Variants in EXT2 observed in about 807,000 individuals in gnomAD.
EXT2 encodes the protein exostosin-2.
A neutral mutation model predicts 81.6 loss-of-function variants in EXT2; 53 were observed. That is an observed-to-expected ratio of 0.65 (90% CI 0.52 to 0.82). The LOEUF (loss-of-function observed/expected upper bound fraction) is 0.82, where lower values mean the gene tolerates loss of function less well. Ranked by LOEUF, EXT2 falls within the 40% of genes least tolerant of loss-of-function variation. The pLI is 0.00. For missense variants in EXT2, 774 were observed against 910.2 expected, an observed-to-expected ratio of 0.85 and a Z score of 1.93; for synonymous variants, 320 against 340.0, an observed-to-expected ratio of 0.94 and a Z score of 0.65.
At chr11:44,204,852 G>A (rs534255806) in intron 9 of EXT2, among the ~76,000 whole-genome samples, 1 of 152,082 alleles carries the variant, frequency 6.6e-6, no homozygotes, top group African/African-American at 2.4e-5. Flanking sequence ...GTGCCAAAAA[G>A]TTTGAGGATG....
rs183862256 is a variant in EXT2, at chr11:44,110,721, G to A, written c.626+1438G>A. On this transcript the variant is annotated intron_variant, in intron 3 of 13. Coordinates refer to ENST00000533608, the MANE Select transcript of EXT2 (RefSeq NM_207122.2). ...TTTTTATCAAGTGCACATGTTAAAT[G>A]CGATTTCATTTGTCTGCAGGAAGGT... Among the ~76,000 whole-genome samples the A allele has an allele frequency of 2.0e-5, 3 of 152,302 alleles. No homozygotes were observed. In the East Asian group the frequency reaches 5.8e-4, roughly 29 times the overall value.
intron 3 of EXT2, among the ~76,000 whole-genome samples, chr11:44,113,664 G>T (rs528640393): frequency 6.6e-6 from 1 of 152,300 alleles, no homozygotes; most frequent in Admixed American, 6.5e-5. Context: ...GATGATGGTG[G>T]AAAGAACTGC....
intron 7 of EXT2, among the ~76,000 whole-genome samples, chr11:44,153,432 T>C (rs903871018): frequency 3.3e-5 from 5 of 152,192 alleles, no homozygotes; most frequent in Non-Finnish European, 5.9e-5. Context: ...TGTTGGATTC[T>C]CTATATAAAC....
chr11:44,130,790 A>G (rs1487492687), intron 7 of EXT2, among the ~76,000 whole-genome samples: 1 of 152,272 alleles, frequency 6.6e-6, no homozygotes, highest in African/African-American at 2.4e-5. Flanking sequence ...TTTTTAATGG[A>G]CTTTTAAAAA....
intron 13 of EXT2, among the ~76,000 whole-genome samples, chr11:44,238,531 AC>A (rs1955997057): frequency 6.6e-6 from 1 of 152,184 alleles, no homozygotes; most frequent in African/African-American, 2.4e-5. Flanking sequence ...ATTGGAGCGA[AC>A]TGTTGGACTT....
intron 8 of EXT2, among the ~76,000 whole-genome samples, chr11:44,178,876 T>G (rs956582678): frequency 1.3e-5 from 2 of 152,238 alleles, no homozygotes; most frequent in African/African-American, 2.4e-5. Context: ...AAGTCTATTG[T>G]TTTTATAGGT....
intron 3 of EXT2, 150 bp from the exon 4 acceptor site, chr11:44,114,033 CGT>C: frequency 1.4e-6 from 1 of 732,416 alleles, no homozygotes; most frequent in Non-Finnish European, 2.4e-6. Context: ...CCCCGAGATG[CGT>C]GTATAAGGCA....
chr11:44,132,245 C>T (rs1001983697), intron 7 of EXT2, among the ~76,000 whole-genome samples: 3 of 152,202 alleles, frequency 2.0e-5, no homozygotes, highest in Non-Finnish European at 2.9e-5. Flanking sequence ...TTTGGAGTGG[C>T]GTCTACTGCC....
chr11:44,179,270 A>G (rs569187422), intron 8 of EXT2, among the ~76,000 whole-genome samples: 4 of 152,320 alleles, frequency 2.6e-5, no homozygotes, highest in Admixed American at 2.0e-4. Context: ...GAGATAAACT[A>G]ATGTGCCTGT....
intron 7 of EXT2, among the ~76,000 whole-genome samples, chr11:44,170,518 A>G (rs963429429): frequency 6.6e-6 from 1 of 152,230 alleles, no homozygotes; most frequent in East Asian, 1.9e-4. Flanking sequence ...CAACAAAATC[A>G]AAAGTCGATT....
At position 44,188,057 on chromosome 11, in the gene EXT2, G is replaced by T. The variant is rs117124340; in HGVS notation, c.1306-9772G>T. ...CTGTCCCTGGCTTTCTGATAGGTTAGATATGCTAAGTGACCTCCTTAAGTG... is the reference window on the plus strand; with the variant it reads ...CTGTCCCTGGCTTTCTGATAGGTTATATATGCTAAGTGACCTCCTTAAGTG... On this transcript the variant is annotated intron_variant, in intron 8 of 13. Coordinates refer to ENST00000533608, the MANE Select transcript of EXT2 (RefSeq NM_207122.2). Among the ~76,000 whole-genome samples, 559 of 152,332 alleles carry T rather than the reference G, an allele frequency of 3.7e-3. 4 individuals are homozygous for T. The highest frequency in any genetic ancestry group is 0.03 in the East Asian group (156 of 5,184).
At position 44,249,692 on chromosome 11, in the gene EXT2, C is replaced by T. The variant is rs1956124272; in HGVS notation, c.*5405C>T. ...GTTTTCTGGTGAGCACAGCTGAAGA[C>T]CAACCAACTAGTTACTGATCCAGAT... is the stretch of plus-strand genomic sequence containing the variant. On this transcript the variant is annotated 3_prime_UTR_variant, in exon 14 of 14. Transcript: ENST00000533608. 6.6e-6 allele frequency among the ~76,000 whole-genome samples: 1 copy of T among 152,202 alleles called. No individual in the cohort carries two copies. Among genetic ancestry groups the T allele is most frequent in the Non-Finnish European group, 1.5e-5 (1 of 68,034 alleles).
intron 7 of EXT2, among the ~76,000 whole-genome samples, chr11:44,163,639 T>C (rs1954955671): frequency 6.6e-6 from 1 of 152,254 alleles, no homozygotes; most frequent in African/African-American, 2.4e-5. Context: ...AATAAATCCG[T>C]GATGCATGGA....
chr11:44,137,180 A>G (rs1474181630), intron 7 of EXT2, among the ~76,000 whole-genome samples: 3 of 152,212 alleles, frequency 2.0e-5, no homozygotes, highest in African/African-American at 7.2e-5. Context: ...TTGTTGGAAA[A>G]AGACTTTTAC....
intron 11 of EXT2, among the ~76,000 whole-genome samples, chr11:44,233,380 G>C (rs1445549647): frequency 6.6e-6 from 1 of 152,130 alleles, no homozygotes; most frequent in East Asian, 1.9e-4. Flanking sequence ...TTGATTACTA[G>C]TAAGACTGAA....
chr11:44,165,193 G>C (rs911398915), intron 7 of EXT2, among the ~76,000 whole-genome samples: 2 of 152,148 alleles, frequency 1.3e-5, no homozygotes, highest in African/African-American at 4.8e-5. Flanking sequence ...TTTTAAGATA[G>C]ATATAAATGT....
rs576738172 is a variant in EXT2 at position 44,179,680 on chromosome 11, A to G, written c.1305+7938A>G. ...ACTTACCAGGGAAATGTGATAATTA[A>G]GTATTATAACCTCAAGATAATGAAT... On this transcript the variant is annotated intron_variant, in intron 8 of 13. Transcript: ENST00000533608. 1.4e-3 allele frequency among the ~76,000 whole-genome samples: 213 copies of G among 152,360 alleles called. 1 individual carries two copies. The highest frequency in any genetic ancestry group is 2.7e-3 in the Admixed American group (42 of 15,310).
chr11:44,245,034 G>T lies in EXT2; in HGVS notation c.*747G>T. 4.3e-6 allele frequency: 1 copy of T among 232,330 alleles called. No homozygotes were observed. The highest frequency in any genetic ancestry group is 6.1e-5 in the East Asian group (1 of 16,476). The allele number at this position is 232,330 out of a possible 1,614,324, so 14.4% of individuals were successfully genotyped here. A position where few individuals can be genotyped will look rare whatever the true frequency, so the allele number is the denominator to read the frequency against. On this transcript the variant is annotated 3_prime_UTR_variant, in exon 14 of 14. Coordinates refer to ENST00000533608, the MANE Select transcript of EXT2 (RefSeq NM_207122.2). ...GGCCTGACAACAGTCTTCTGCCCATGTCTGGGAACACACGCCAGGAGGAAT... is the reference window on the plus strand; with the variant it reads ...GGCCTGACAACAGTCTTCTGCCCATTTCTGGGAACACACGCCAGGAGGAAT...
intron 8 of EXT2, among the ~76,000 whole-genome samples, chr11:44,193,795 A>G (rs992259274): frequency 2.6e-5 from 4 of 152,076 alleles, no homozygotes; most frequent in Non-Finnish European, 5.9e-5. Context: ...CATACCCCCC[A>G]TGCTGCCTTC....
Sources: gnomAD v4.1 joint callset for allele counts (sites outside exome capture counted in the v4.1 genomes callset) on GRCh38, gnomAD v4.1.1 for gene constraint, MANE v1.5 for transcripts, NCBI Gene and HGNC (gene_info 2026-07-23, HGNC 2026-07-21) for gene names.